AP3B1: variants seen among roughly 807,000 people sequenced by gnomAD.
AP3B1 encodes the protein AP-3 complex subunit beta-1.
AP3B1 carries 61 observed loss-of-function variants against 132.5 expected under a neutral mutation model. The observed-to-expected ratio is 0.46, with a 90% CI of 0.37 to 0.57. The LOEUF (loss-of-function observed/expected upper bound fraction) is 0.57. AP3B1 is among the 20% of genes least tolerant of loss of function. The pLI is 0.00. For missense variants in AP3B1, 1,120 were observed against 1,289.4 expected (o/e 0.87, Z 2.01); for synonymous variants, 388 against 438.3 (o/e 0.89, Z 1.43).
chr5:78,249,704 C>G (rs999662057), intron 2 of AP3B1, among the ~76,000 whole-genome samples: 4 of 151,360 alleles, frequency 2.6e-5, no homozygotes, highest in Non-Finnish European at 4.4e-5. Flanking sequence ...CTGCCTCAGC[C>G]TTCTGTGTAG....
intron 6 of AP3B1, among the ~76,000 whole-genome samples, chr5:78,219,403 T>A (rs1044928646): frequency 6.6e-6 from 1 of 152,038 alleles, no homozygotes. Context: ...TACGTGAACA[T>A]TAGAAAAGGC....
intron 12 of AP3B1, among the ~76,000 whole-genome samples, chr5:78,163,663 A>T (rs1036003239): frequency 1.3e-5 from 2 of 149,200 alleles, no homozygotes; most frequent in African/African-American, 4.9e-5. Flanking sequence ...ACACACACAC[A>T]CATATATATA....
chr5:78,289,655 CTTCTT>C (rs1484027674), intron 1 of AP3B1, among the ~76,000 whole-genome samples: 1 of 152,122 alleles, frequency 6.6e-6, no homozygotes, highest in African/African-American at 2.4e-5. Context: ...TGAACATTTC[CTTCTT>C]TTAATTTTCC....
chr5:78,103,545 A>G (rs901018057), intron 20 of AP3B1, among the ~76,000 whole-genome samples: 12 of 152,204 alleles, frequency 7.9e-5, no homozygotes, highest in Non-Finnish European at 1.8e-4. Flanking sequence ...CCATTGTGTT[A>G]GTACTTGAGA....
intron 7 of AP3B1, among the ~76,000 whole-genome samples, chr5:78,202,552 AGTGTGTGTGTGTGT>A (rs36209977): frequency 0.025 from 3,588 of 146,140 alleles, 180 homozygotes; most frequent in African/African-American, 0.083. Flanking sequence ...CCATATATTC[AGTGTGTGTGTGTGT>A]GTGTGTGTGT....
At chr5:78,071,575 AAAAT>A (rs574612966) in intron 22 of AP3B1, among the ~76,000 whole-genome samples, 88 of 152,340 alleles carry the variant, frequency 5.8e-4, no homozygotes, top group East Asian at 7.7e-4. Context: ...AAATAAAATA[AAAAT>A]AAATAAACAC....
chr5:78,058,467 T>C (rs190829891), intron 22 of AP3B1, among the ~76,000 whole-genome samples: 75 of 152,066 alleles, frequency 4.9e-4, no homozygotes, highest in Middle Eastern at 3.4e-3. Flanking sequence ...GCCATTGCAC[T>C]GCAGCCTGGA....
At chr5:78,009,175 C>T (rs1746510872) in intron 26 of AP3B1, among the ~76,000 whole-genome samples, 1 of 151,980 alleles carries the variant, frequency 6.6e-6, no homozygotes, top group African/African-American at 2.4e-5. Context: ...AACAAGTTGG[C>T]CAGGCACAGT....
At chr5:78,011,383 G>C (rs1023738200) in intron 26 of AP3B1, among the ~76,000 whole-genome samples, 1 of 152,046 alleles carries the variant, frequency 6.6e-6, no homozygotes, top group African/African-American at 2.4e-5. Context: ...TGTTCTCCAA[G>C]AGCAGGTTTT....
At chr5:78,222,990 A>G (rs1746245272) in intron 6 of AP3B1, among the ~76,000 whole-genome samples, 1 of 146,278 alleles carries the variant, frequency 6.8e-6, no homozygotes, top group Non-Finnish European at 1.5e-5. Context: ...TGGAAATAGG[A>G]GCCCTGTTTC....
intron 1 of AP3B1, among the ~76,000 whole-genome samples, chr5:78,285,371 T>C (rs1266629078): frequency 6.6e-6 from 1 of 152,140 alleles, no homozygotes; most frequent in Non-Finnish European, 1.5e-5. Flanking sequence ...GTCCACCCAG[T>C]GACAAATCCA....
intron 21 of AP3B1, among the ~76,000 whole-genome samples, chr5:78,098,705 C>T (rs577847543): frequency 1.1e-3 from 164 of 152,256 alleles, no homozygotes; most frequent in African/African-American, 3.8e-3. Flanking sequence ...TTTGTATATG[C>T]CCTTATATGT....
chr5:78,130,818 G>C (rs1334367811), intron 15 of AP3B1, among the ~76,000 whole-genome samples: 1 of 151,926 alleles, frequency 6.6e-6, no homozygotes, highest in African/African-American at 2.4e-5. Flanking sequence ...TGAGTGCTGA[G>C]ATTTTAAATC....
At chr5:78,117,586 AG>A (rs1214445038) in intron 17 of AP3B1, among the ~76,000 whole-genome samples, 1 of 152,216 alleles carries the variant, frequency 6.6e-6, no homozygotes, top group Non-Finnish European at 1.5e-5. Flanking sequence ...CTGGGATTAC[AG>A]GTGTGAGCCA....
At chr5:78,110,390 A>G in intron 19 of AP3B1, 36 bp from the exon 20 acceptor site, 1 of 1,518,038 alleles carries the variant, frequency 6.6e-7, no homozygotes, top group Non-Finnish European at 9.1e-7. Context: ...TATGAACTTT[A>G]ACTCCTTTAT....
At chr5:78,269,971 T>C (rs1748483069) in intron 1 of AP3B1, among the ~76,000 whole-genome samples, 1 of 152,166 alleles carries the variant, frequency 6.6e-6, no homozygotes, top group African/African-American at 2.4e-5. Context: ...TGGAATGCAG[T>C]AGTGTGATCT....
At chr5:78,252,155 G>A (rs1747663973) in intron 2 of AP3B1, among the ~76,000 whole-genome samples, 1 of 152,150 alleles carries the variant, frequency 6.6e-6, no homozygotes, top group African/African-American at 2.4e-5. Context: ...TAACTGAAGA[G>A]CCCTTGGGCC....
intron 6 of AP3B1, among the ~76,000 whole-genome samples, chr5:78,223,891 A>C (rs1488809321): frequency 1.3e-5 from 2 of 152,198 alleles, no homozygotes; most frequent in African/African-American, 4.8e-5. Flanking sequence ...CTGGGAAGAC[A>C]TGCACATATT....
chr5:78,032,576 C>A (rs780976848), intron 24 of AP3B1, among the ~76,000 whole-genome samples: 2 of 151,986 alleles, frequency 1.3e-5, no homozygotes, highest in African/African-American at 4.8e-5. Context: ...CACTGTCGAT[C>A]GGTTTCCATT....
Sources: gnomAD v4.1 joint callset for allele counts (sites outside exome capture counted in the v4.1 genomes callset) on GRCh38, gnomAD v4.1.1 for gene constraint, MANE v1.5 for transcripts, NCBI Gene and HGNC (gene_info 2026-07-23, HGNC 2026-07-21) for gene names.